The following NAA35 variants were observed in gnomAD, a reference collection of about 807,000 sequenced individuals.
The protein encoded by NAA35 is MAK10 homolog, amino-acid N-acetyltransferase subunit.
NAA35 carries 18 observed loss-of-function variants against 101.7 expected under a neutral mutation model. The observed-to-expected ratio is 0.18, with a 90% CI of 0.12 to 0.26. The LOEUF (loss-of-function observed/expected upper bound fraction) is 0.26. NAA35 is among the 10% of genes least tolerant of loss of function. NAA35 has a pLI of 1.00. For missense variants in NAA35, 601 were observed against 886.8 expected (o/e 0.68, Z 4.09); for synonymous variants, 267 against 273.1 (o/e 0.98, Z 0.22).
chr9:85,997,533 G>T (rs1028718922), intron 12 of NAA35, among the ~76,000 whole-genome samples: 1 of 152,056 alleles, frequency 6.6e-6, no homozygotes, highest in African/African-American at 2.4e-5. Flanking sequence ...GGTAGAGACA[G>T]GGTTTCACCA....
At chr9:85,965,124 G>A (rs1239923154) in intron 6 of NAA35, among the ~76,000 whole-genome samples, 6 of 152,204 alleles carry the variant, frequency 3.9e-5, no homozygotes, top group African/African-American at 1.4e-4. Context: ...TCAGAAAAGA[G>A]CAATGTGGTG....
At chr9:85,980,520 C>T (rs1462343820) in intron 11 of NAA35, among the ~76,000 whole-genome samples, 1 of 152,196 alleles carries the variant, frequency 6.6e-6, no homozygotes, top group Non-Finnish European at 1.5e-5. Context: ...ATATATATTT[C>T]ATAATGTCAC....
At chr9:85,955,930 T>C (rs1029385021) in intron 2 of NAA35, among the ~76,000 whole-genome samples, 2 of 152,152 alleles carry the variant, frequency 1.3e-5, no homozygotes, top group Admixed American at 6.5e-5. Context: ...TTAAACAAAA[T>C]AGGATTTTAA....
At chr9:86,010,367 A>G (rs1354085408) in intron 15 of NAA35, among the ~76,000 whole-genome samples, 3 of 151,844 alleles carry the variant, frequency 2.0e-5, no homozygotes, top group African/African-American at 7.3e-5. Flanking sequence ...GTCTCCTCCT[A>G]ACACTTGAGT....
At chr9:85,982,862 C>G (rs907281335) in intron 11 of NAA35, among the ~76,000 whole-genome samples, 4 of 152,048 alleles carry the variant, frequency 2.6e-5, no homozygotes, top group Non-Finnish European at 5.9e-5. Context: ...ATTTTAGAAG[C>G]TGGAAAACAG....
chr9:85,968,579 G>C (rs370129949), intron 6 of NAA35, among the ~76,000 whole-genome samples: 4 of 152,098 alleles, frequency 2.6e-5, no homozygotes, highest in East Asian at 1.9e-4. Context: ...ACTAATACTT[G>C]TATGTAGTTT....
rs1000276741 is a variant in NAA35 at position 86,024,841 on chromosome 9, A to G, written c.*2881A>G. 6.6e-6 allele frequency among the ~76,000 whole-genome samples: 1 copy of G among 152,208 alleles called. No individual in the cohort carries two copies. The highest frequency in any genetic ancestry group is 1.9e-4 in the East Asian group (1 of 5,168). ...AACTGGGAGGTGCCATCTGGGGTGG[A>G]GATGAACTGAGGACTCAGTAACTAT... is the stretch of plus-strand genomic sequence containing the variant. On this transcript the variant is annotated 3_prime_UTR_variant, in exon 23 of 23. Transcript: ENST00000361671.
In NAA35 at chr9:86,007,379, A is replaced by C; in HGVS notation, c.1138A>C (p.Lys380Gln). The C allele has an allele frequency of 6.2e-7, 1 of 1,613,056 alleles. No individual in the cohort carries two copies. Among genetic ancestry groups the C allele is most frequent in the South Asian group, 1.1e-5 (1 of 90,970 alleles). The change falls in exon 14 of 23, where the codon AAA becomes CAA. Residue 380 changes from lysine to glutamine, a missense_variant. Physicochemically the swap from Lys to Gln is moderately conservative, Grantham distance 53 (BLOSUM62 1). Coordinates refer to ENST00000361671, the MANE Select transcript of NAA35 (RefSeq NM_024635.4). ...LLQTTFLVDNKKVFGTHLMQD... is the reference protein window; with the variant it reads ...LLQTTFLVDNQKVFGTHLMQD... ...TAAGACCACTTTCCTGGTGGATAAC[A>C]AAAAGGTCTTTGGAACTCATCTCAT... is the stretch of plus-strand genomic sequence containing the variant.
chr9:85,959,955 G>A (rs2117869094), intron 5 of NAA35, 88 bp downstream of exon 5: 3 of 929,164 alleles, frequency 3.2e-6, no homozygotes, highest in Admixed American at 2.4e-5. Flanking sequence ...CTAATGTTGA[G>A]TATGAAATAA....
intron 15 of NAA35, among the ~76,000 whole-genome samples, chr9:86,010,980 C>T (rs946384736): frequency 5.3e-5 from 8 of 151,434 alleles, no homozygotes; most frequent in Non-Finnish European, 1.5e-5. Context: ...TGGTGGCTCA[C>T]GCCTGTAATC....
At chr9:85,978,232 A>G (rs778646321) in intron 10 of NAA35, 35 bp from the exon 11 acceptor site, 2 of 1,221,042 alleles carry the variant, frequency 1.6e-6, no homozygotes, top group East Asian at 2.3e-5. Context: ...CAGTGAAAGA[A>G]TATGTAAGAA....
chr9:85,977,557 C>G, intron 10 of NAA35, 111 bp downstream of exon 10: 1 of 694,970 alleles, frequency 1.4e-6, no homozygotes, highest in Non-Finnish European at 2.6e-6. Flanking sequence ...CCCAGATATA[C>G]AGAACTCAGC....
At chr9:85,972,888 C>T (rs1285877426) in intron 6 of NAA35, among the ~76,000 whole-genome samples, 2 of 152,150 alleles carry the variant, frequency 1.3e-5, no homozygotes, top group Non-Finnish European at 2.9e-5. Flanking sequence ...ATGGATTATA[C>T]CTTTCTTGGG....
intron 11 of NAA35, among the ~76,000 whole-genome samples, chr9:85,990,217 A>G (rs1296893549): frequency 6.6e-6 from 1 of 152,202 alleles, no homozygotes; most frequent in Non-Finnish European, 1.5e-5. Context: ...TATCATGGGA[A>G]CTAATCCGTA....
chr9:85,997,241 T>C (rs1831201474), intron 12 of NAA35, among the ~76,000 whole-genome samples: 2 of 152,028 alleles, frequency 1.3e-5, no homozygotes, highest in South Asian at 4.2e-4. Context: ...GGATTGCAGG[T>C]GTGAGCTACT....
chr9:85,969,829 C>T (rs1829927379), intron 6 of NAA35, among the ~76,000 whole-genome samples: 1 of 150,712 alleles, frequency 6.6e-6, no homozygotes, highest in Non-Finnish European at 1.5e-5. Flanking sequence ...CACTCCACTC[C>T]AGTCTGGATG....
chr9:85,965,601 T>TTGTGA (rs1829709731), intron 6 of NAA35, among the ~76,000 whole-genome samples: 1 of 151,946 alleles, frequency 6.6e-6, no homozygotes, highest in Non-Finnish European at 1.5e-5. Flanking sequence ...TTTACTCCAG[T>TTGTGA]TTGTGTGCAG....
chr9:85,967,218 G>C (rs1829783211), intron 6 of NAA35, among the ~76,000 whole-genome samples: 1 of 152,064 alleles, frequency 6.6e-6, no homozygotes, highest in Non-Finnish European at 1.5e-5. Context: ...ATAAATTATG[G>C]ATAATTGATT....
At chr9:86,002,385 G>A (rs991103224) in intron 12 of NAA35, among the ~76,000 whole-genome samples, 1 of 152,084 alleles carries the variant, frequency 6.6e-6, no homozygotes, top group Non-Finnish European at 1.5e-5. Context: ...TGTATTTCCT[G>A]AATTTGAATG....
Sources: gnomAD v4.1 joint callset for allele counts (sites outside exome capture counted in the v4.1 genomes callset) on GRCh38, gnomAD v4.1.1 for gene constraint, MANE v1.5 for transcripts, NCBI Gene and HGNC (gene_info 2026-07-23, HGNC 2026-07-21) for gene names.